Variants in NR1H4 observed in about 807,000 individuals in gnomAD.
NR1H4 encodes nuclear receptor subfamily 1 group H member 4, also known as bile acid receptor.
Under a neutral mutation model 58.5 loss-of-function variants are expected in NR1H4, and 23 were observed. That is an observed-to-expected ratio of 0.39 (90% CI 0.28 to 0.56). The LOEUF is 0.56. Ranked by LOEUF, NR1H4 falls within the 20% of genes least tolerant of loss-of-function variation. The pLI is 0.58. For missense variants in NR1H4, 487 were observed against 576.9 expected, an observed-to-expected ratio of 0.84 and a Z score of 1.60; for synonymous variants, 214 against 198.0, an observed-to-expected ratio of 1.08 and a Z score of -0.68.
chr12:100,534,131 C>CATG (rs372714031), intron 5 of NR1H4, among the ~76,000 whole-genome samples: 6,591 of 151,778 alleles, frequency 0.043, 314 homozygotes, highest in African/African-American at 0.12. Flanking sequence ...CTCCTGACCT[C>CATG]ATCCACCCGC....
At chr12:100,476,596 A>G (rs1265888559) in intron 1 of NR1H4, among the ~76,000 whole-genome samples, 1 of 152,216 alleles carries the variant, frequency 6.6e-6, no homozygotes, top group South Asian at 2.1e-4. Flanking sequence ...AAAGGCTCAC[A>G]TTGTCATTAG....
intron 4 of NR1H4, among the ~76,000 whole-genome samples, chr12:100,517,003 T>C (rs538615310): frequency 9.2e-5 from 14 of 152,332 alleles, no homozygotes; most frequent in African/African-American, 3.4e-4. Context: ...TTAGCACATC[T>C]AACAGCTTAA....
chr12:100,542,115 G>T (rs909063230), intron 9 of NR1H4, among the ~76,000 whole-genome samples: 2 of 151,994 alleles, frequency 1.3e-5, no homozygotes, highest in African/African-American at 2.4e-5. Flanking sequence ...GGAGGCAGAG[G>T]GGGGTGGATC....
At chr12:100,535,299 A>AT (rs745943695) in intron 6 of NR1H4, among the ~76,000 whole-genome samples, 107 of 152,284 alleles carry the variant, frequency 7.0e-4, no homozygotes, top group South Asian at 2.1e-3. Flanking sequence ...TATAAAATGG[A>AT]TTTTTTCCAA....
At chr12:100,540,993 CA>C in intron 9 of NR1H4, among the ~76,000 whole-genome samples, 175 bp downstream of exon 9, 3 of 152,210 alleles carry the variant, frequency 2.0e-5, no homozygotes, top group Middle Eastern at 6.8e-3. Context: ...AGGCTTGGTT[CA>C]AATATCTCTG....
At chr12:100,542,075 G>A (rs918636717) in intron 9 of NR1H4, among the ~76,000 whole-genome samples, 1 of 152,182 alleles carries the variant, frequency 6.6e-6, no homozygotes, top group South Asian at 2.1e-4. Flanking sequence ...GCCCAATGCA[G>A]TGGCTCACGC....
rs575072031 is a variant in NR1H4, at chr12:100,561,315, G to T, written c.1079-570G>T. On this transcript the variant is annotated intron_variant, in intron 9 of 10. Transcript: ENST00000392986. The stretch of plus-strand genomic sequence containing the variant: ...GGGGAAGCTGAGGCAGGAGAATGGC[G>T]GGAACCCGGGAGGCGGAGCTTGCTG... Among the ~76,000 whole-genome samples, 70 of 152,176 alleles carry T rather than the reference G, an allele frequency of 4.6e-4. 1 individual carries two copies. In the South Asian group the frequency reaches 0.013, roughly 28 times the overall value.
chr12:100,553,394 A>G (rs901327705), intron 9 of NR1H4, among the ~76,000 whole-genome samples: 5 of 152,224 alleles, frequency 3.3e-5, no homozygotes, highest in African/African-American at 1.2e-4. Context: ...AACCTAGAAA[A>G]GGAAGTAACT....
intron 9 of NR1H4, among the ~76,000 whole-genome samples, chr12:100,558,342 T>G (rs1402071385): frequency 8.4e-5 from 9 of 107,522 alleles, no homozygotes; most frequent in African/African-American, 3.0e-4. Flanking sequence ...AGAGTGAGAT[T>G]CCATCTCAAA....
intron 9 of NR1H4, among the ~76,000 whole-genome samples, chr12:100,542,732 T>A (rs923592533): frequency 4.6e-5 from 7 of 152,326 alleles, no homozygotes; most frequent in African/African-American, 1.7e-4. Flanking sequence ...GTGAAATAAT[T>A]TTTTAAATGG....
At chr12:100,504,956 G>C (rs1425240088) in intron 3 of NR1H4, among the ~76,000 whole-genome samples, 3 of 152,242 alleles carry the variant, frequency 2.0e-5, no homozygotes, top group African/African-American at 4.8e-5. Flanking sequence ...ACCTCCCAGA[G>C]TAGGTGACCA....
At chr12:100,512,106 G>A (rs1006131366) in intron 4 of NR1H4, among the ~76,000 whole-genome samples, 6 of 151,836 alleles carry the variant, frequency 4.0e-5, no homozygotes, top group East Asian at 1.9e-4. Context: ...GGTGGAGCAC[G>A]CATGTTGTCC....
intron 3 of NR1H4, among the ~76,000 whole-genome samples, chr12:100,494,726 A>G (rs1191125388): frequency 1.3e-5 from 2 of 152,266 alleles, no homozygotes; most frequent in African/African-American, 4.8e-5. Context: ...CTCAGAACAG[A>G]GTCAATGTAT....
intron 9 of NR1H4, among the ~76,000 whole-genome samples, chr12:100,545,654 AAAAAAAAAAAAAAAAC>A (rs1281844812): frequency 1.4e-5 from 2 of 146,534 alleles, no homozygotes; most frequent in East Asian, 1.9e-4. Flanking sequence ...AAAAAAAAAA[AAAAAAAAAAAAAAAAC>A]CAAACGGGGG....
At chr12:100,561,624 G>C (rs1450013940) in intron 9 of NR1H4, among the ~76,000 whole-genome samples, 2 of 152,098 alleles carry the variant, frequency 1.3e-5, no homozygotes, top group Non-Finnish European at 2.9e-5. Flanking sequence ...TTGATTATTA[G>C]TAGTGACTGA....
rs755933835 is a variant in NR1H4, at chr12:100,536,568, A to G, written c.789A>G (p.Ser263=). 1.9e-6 allele frequency: 3 copies of G among 1,608,328 alleles called. No individual in the cohort carries two copies. Among genetic ancestry groups the G allele is most frequent in the African/African-American group, 1.3e-5 (1 of 74,908 alleles). The change falls in exon 7 of 11, where the codon TCA becomes TCG. Residue 263 remains serine (S), a synonymous_variant. Transcript: ENST00000392986. Reference sequence around the variant, plus strand: ...CTCTTCTACATTTTATTATGGATTCATATAACAAACAGAGGATGCCTCAGG... The same window carrying G: ...CTCTTCTACATTTTATTATGGATTCGTATAACAAACAGAGGATGCCTCAGG... The part of the protein sequence containing the change: ...QQTLLHFIMD[S]YNKQRMPQEI...
At chr12:100,556,390 C>A (rs1422765332) in intron 9 of NR1H4, among the ~76,000 whole-genome samples, 1 of 150,424 alleles carries the variant, frequency 6.6e-6, no homozygotes, top group Admixed American at 6.7e-5. Context: ...TTGCTTGAAC[C>A]TGGGAGGCGG....
At chr12:100,510,634 T>TATATATATATATATATATAC (rs1954085092) in intron 3 of NR1H4, 144 bp from the exon 4 acceptor site, 1 of 434,280 alleles carries the variant, frequency 2.3e-6, no homozygotes, top group African/African-American at 2.2e-5. Flanking sequence ...TATATATATA[T>TATATATATATATATATATAC]ACTCTAAAGA....
intron 8 of NR1H4, 23 bp downstream of exon 8, chr12:100,537,070 T>A: frequency 7.2e-7 from 1 of 1,387,000 alleles, no homozygotes; most frequent in Non-Finnish European, 1.0e-6. Context: ...TAATCAAAGT[T>A]AATATTTATT....
Sources: allele counts gnomAD v4.1 joint callset (sites outside exome capture counted in the v4.1 genomes callset), GRCh38; gene constraint gnomAD v4.1.1; transcripts MANE v1.5; gene names NCBI Gene and HGNC (gene_info 2026-07-23, HGNC 2026-07-21).